Variants in GABRB3 observed in about 807,000 individuals in gnomAD.
The protein encoded by GABRB3 is gamma-aminobutyric acid receptor subunit beta-3.
GABRB3 carries 14 observed loss-of-function variants against 52.1 expected under a neutral mutation model. The ratio of observed to expected loss-of-function variants is 0.27; its 90% CI spans 0.18 to 0.42. GABRB3 has a LOEUF of 0.42. Ranked by LOEUF, GABRB3 falls within the 10% of genes least tolerant of loss-of-function variation. The pLI, the probability that GABRB3 is intolerant of heterozygous loss-of-function variation, is 1.00. For missense variants in GABRB3, 307 were observed against 609.1 expected, an observed-to-expected ratio of 0.50 and a Z score of 5.22; for synonymous variants, 260 against 232.3, an observed-to-expected ratio of 1.12 and a Z score of -1.08.
intron 6 of GABRB3, among the ~76,000 whole-genome samples, chr15:26,577,442 G>A (rs996451968): frequency 6.6e-6 from 1 of 152,156 alleles, no homozygotes; most frequent in Non-Finnish European, 1.5e-5. Context: ...GAACCCAGGA[G>A]GCAGAGGTTG....
At chr15:26,715,000 A>G (rs1889421978) in intron 3 of GABRB3, among the ~76,000 whole-genome samples, 1 of 152,202 alleles carries the variant, frequency 6.6e-6, no homozygotes, top group South Asian at 2.1e-4. Context: ...AAAAAATTAC[A>G]AAGCCACATA....
intron 3 of GABRB3, among the ~76,000 whole-genome samples, chr15:26,653,761 G>T (rs1028446472): frequency 6.6e-6 from 1 of 152,172 alleles, no homozygotes. Context: ...TTTTGCAAAG[G>T]CAGTTTCAGA....
chr15:26,678,858 T>C (rs150849593), intron 3 of GABRB3, among the ~76,000 whole-genome samples: 26 of 152,248 alleles, frequency 1.7e-4, no homozygotes, highest in Non-Finnish European at 3.2e-4. Flanking sequence ...CTGAGTTCAG[T>C]TCAAGAATCA....
At chr15:26,572,333 T>C (rs545342397) in intron 6 of GABRB3, among the ~76,000 whole-genome samples, 21 of 152,292 alleles carry the variant, frequency 1.4e-4, no homozygotes, top group African/African-American at 5.1e-4. Flanking sequence ...AGGTTTCACA[T>C]TGTATGCACC....
chr15:26,758,684 G>A (rs1397446285), intron 3 of GABRB3, among the ~76,000 whole-genome samples: 1 of 151,994 alleles, frequency 6.6e-6, no homozygotes, highest in Non-Finnish European at 1.5e-5. Context: ...CCCCAGGTGT[G>A]CTAATTTGGT....
intron 3 of GABRB3, among the ~76,000 whole-genome samples, chr15:26,692,513 T>C (rs1595533625): frequency 6.6e-6 from 1 of 152,158 alleles, no homozygotes; most frequent in African/African-American, 2.4e-5. Flanking sequence ...CCGCCAAGAC[T>C]GTAATCAACT....
At chr15:26,766,558 T>C (rs1891002353) in intron 3 of GABRB3, among the ~76,000 whole-genome samples, 1 of 152,324 alleles carries the variant, frequency 6.6e-6, no homozygotes, top group African/African-American at 2.4e-5. Context: ...GATACTTTCA[T>C]TTGGCAAGTA....
chr15:26,703,491 C>T (rs1450234746), intron 3 of GABRB3, among the ~76,000 whole-genome samples: 1 of 152,204 alleles, frequency 6.6e-6, no homozygotes, highest in African/African-American at 2.4e-5. Context: ...GTCCTTTTCA[C>T]ATCTGGAATA....
intron 3 of GABRB3, among the ~76,000 whole-genome samples, chr15:26,707,698 G>A (rs1889150012): frequency 6.6e-6 from 1 of 152,210 alleles, no homozygotes; most frequent in African/African-American, 2.4e-5. Flanking sequence ...GTCAAATGCT[G>A]CAAGAGGACC....
chr15:26,756,094 A>AAT (rs1890651961), intron 3 of GABRB3, among the ~76,000 whole-genome samples: 1 of 152,210 alleles, frequency 6.6e-6, no homozygotes, highest in African/African-American at 2.4e-5. Context: ...AATGTGCATG[A>AAT]AAAACTAAAA....
intron 3 of GABRB3, among the ~76,000 whole-genome samples, chr15:26,644,018 G>A (rs896448543): frequency 2.6e-5 from 4 of 152,126 alleles, no homozygotes; most frequent in South Asian, 2.1e-4. Context: ...GTTGGGCAGC[G>A]ATGACTGAGG....
At chr15:26,736,520 C>A (rs994039953) in intron 3 of GABRB3, among the ~76,000 whole-genome samples, 3 of 152,224 alleles carry the variant, frequency 2.0e-5, no homozygotes, top group African/African-American at 7.2e-5. Context: ...TTGTATCAGG[C>A]AACTTCAATC....
intron 7 of GABRB3, among the ~76,000 whole-genome samples, 191 bp downstream of exon 7, chr15:26,567,390 C>T (rs1345346264): frequency 6.6e-6 from 1 of 152,062 alleles, no homozygotes; most frequent in African/African-American, 2.4e-5. Flanking sequence ...CACATTTGAG[C>T]CTTGTAATTA....
chr15:26,687,685 G>C (rs147163962), intron 3 of GABRB3, among the ~76,000 whole-genome samples: 1 of 152,138 alleles, frequency 6.6e-6, no homozygotes, highest in Non-Finnish European at 1.5e-5. Flanking sequence ...AGAAAAGTTT[G>C]ACTGACAAGA....
At chr15:26,650,185 C>A (rs1017682548) in intron 3 of GABRB3, among the ~76,000 whole-genome samples, 1 of 152,212 alleles carries the variant, frequency 6.6e-6, no homozygotes, top group Non-Finnish European at 1.5e-5. Flanking sequence ...ATCACCCCAC[C>A]ACCTTCCAAG....
At chr15:26,664,540 A>G (rs1409517064) in intron 3 of GABRB3, among the ~76,000 whole-genome samples, 2 of 151,696 alleles carry the variant, frequency 1.3e-5, no homozygotes, top group African/African-American at 4.9e-5. Flanking sequence ...TGCATATTAA[A>G]AGCAATTTAT....
chr15:26,611,928 C>T (rs774578997), intron 4 of GABRB3: 1 of 152,176 alleles, frequency 6.6e-6, no homozygotes, highest in Non-Finnish European at 1.5e-5. Context: ...ACACATTTCA[C>T]ATAAATGTTC....
chr15:26,587,578 T>C (rs78339890), intron 4 of GABRB3, among the ~76,000 whole-genome samples: 2,495 of 152,166 alleles, frequency 0.016, 67 homozygotes, highest in African/African-American at 0.057. Context: ...GACCCTGGGA[T>C]GTTGCAGAAA....
chr15:26,642,876 G>A (rs1227078554), intron 3 of GABRB3, among the ~76,000 whole-genome samples: 1 of 151,986 alleles, frequency 6.6e-6, no homozygotes, highest in African/African-American at 2.4e-5. Context: ...AAAGAAATAT[G>A]TCATGGACTC....
Sources: allele counts gnomAD v4.1 joint callset (sites outside exome capture counted in the v4.1 genomes callset), GRCh38; gene constraint gnomAD v4.1.1; transcripts MANE v1.5; gene names NCBI Gene and HGNC (gene_info 2026-07-23, HGNC 2026-07-21).